Variants in KIF26B observed in about 807,000 individuals in gnomAD.
KIF26B encodes kinesin family member 26B, also known as kinesin-like protein KIF26B.
In KIF26B, 63 loss-of-function variants were observed where a neutral mutation model predicts 151.2. The observed-to-expected ratio is 0.42, with a 90% CI of 0.34 to 0.51. KIF26B has a LOEUF of 0.51. KIF26B is among the 20% of genes least tolerant of loss of function. The pLI is 0.07. For synonymous variants in KIF26B, 1,357 were observed against 1,262.1 expected, an observed-to-expected ratio of 1.08 and a Z score of -1.59; for missense variants, 2,813 against 2,913.6, an observed-to-expected ratio of 0.97 and a Z score of 0.79.
chr1:245,180,846 C>CT (rs1465746706), intron 2 of KIF26B, among the ~76,000 whole-genome samples: 1 of 151,840 alleles, frequency 6.6e-6, no homozygotes, highest in African/African-American at 2.4e-5. Flanking sequence ...TTGTTTTTTT[C>CT]TTTTTTAGAG....
chr1:245,244,649 C>T lies in KIF26B; in HGVS notation c.465+87966C>T, dbSNP rs111590969. On this transcript the variant is annotated intron_variant, in intron 2 of 14. Transcript: ENST00000407071. This position sits in a 1 kb window ranked among gnomAD's most constrained non-coding sequence, Gnocchi z 4.2. ...CTCCCCTGACTTCCAATGTGACACC[C>T]GTCTTCTCTGTCCTCTCTCTTCATA... 4.7e-3 allele frequency among the ~76,000 whole-genome samples: 717 copies of T among 151,992 alleles called. 3 individuals carry two copies. The highest frequency in any genetic ancestry group is 0.017 in the African/African-American group (690 of 41,454).
At chr1:245,294,737 A>C (rs1671309248) in intron 2 of KIF26B, among the ~76,000 whole-genome samples, 2 of 152,050 alleles carry the variant, frequency 1.3e-5, no homozygotes, top group Admixed American at 6.6e-5. Context: ...ATCTCGGCTC[A>C]CTGCAACCTC....
rs1159148302 is a variant in KIF26B, at chr1:245,358,662, A to G, written c.466-8172A>G. On this transcript the variant is annotated intron_variant, in intron 2 of 14. Transcript: ENST00000407071. The surrounding 1 kb of genome is among the most constrained non-coding windows in gnomAD (Gnocchi z 4.1). ...ATCCTTGATAGCCTTATACTAATACAACTACTTGCAGATTGAAAATAATTC... is the reference window on the plus strand; with the variant it reads ...ATCCTTGATAGCCTTATACTAATACGACTACTTGCAGATTGAAAATAATTC... Among the ~76,000 whole-genome samples, 2 of 152,260 alleles carry G rather than the reference A, an allele frequency of 1.3e-5. No individual in the cohort carries two copies. Among genetic ancestry groups the G allele is most frequent in the Non-Finnish European group, 2.9e-5 (2 of 68,042 alleles).
intron 10 of KIF26B, among the ~76,000 whole-genome samples, chr1:245,648,820 G>GA (rs2043981521): frequency 6.6e-6 from 1 of 152,190 alleles, no homozygotes; most frequent in Admixed American, 6.5e-5. Context: ...CTGGCACCAA[G>GA]AGAGTGATCA....
intron 4 of KIF26B, among the ~76,000 whole-genome samples, chr1:245,505,468 C>A (rs1465225641): frequency 6.6e-6 from 1 of 152,122 alleles, no homozygotes; most frequent in Non-Finnish European, 1.5e-5. Flanking sequence ...TCATTGCAAC[C>A]TCTACTTCCC....
intron 2 of KIF26B, among the ~76,000 whole-genome samples, chr1:245,169,081 T>G (rs1668660974): frequency 6.6e-6 from 1 of 152,034 alleles, no homozygotes; most frequent in Non-Finnish European, 1.5e-5. Context: ...TGGAGCAGAG[T>G]GGAGAACAGG....
intron 5 of KIF26B, among the ~76,000 whole-genome samples, chr1:245,548,955 G>A (rs1661815737): frequency 6.6e-6 from 1 of 152,144 alleles, no homozygotes; most frequent in African/African-American, 2.4e-5. Flanking sequence ...ATGTTGGCCA[G>A]GCTGGTCAAC....
chr1:245,579,852 G>GAA (rs113159653), intron 5 of KIF26B, among the ~76,000 whole-genome samples: 9 of 106,836 alleles, frequency 8.4e-5, no homozygotes, highest in Non-Finnish European at 1.7e-4. Flanking sequence ...TCATCTCAAA[G>GAA]AAAAAAAAAA....
rs182622129 is a variant in KIF26B at position 245,328,688 on chromosome 1, C to T, written c.466-38146C>T. 1.8e-3 allele frequency among the ~76,000 whole-genome samples: 267 copies of T among 152,282 alleles called. 1 individual carries two copies. Among genetic ancestry groups the T allele is most frequent in the African/African-American group, 6.0e-3 (250 of 41,582 alleles). ...ACTAGCACCCATGAGCAGGAAAGGG[C>T]ACGACACTCATTTTGGCACTGTGAC... On this transcript the variant is annotated intron_variant, in intron 2 of 14. Coordinates refer to ENST00000407071, the MANE Select transcript of KIF26B (RefSeq NM_018012.4).
intron 2 of KIF26B, among the ~76,000 whole-genome samples, chr1:245,310,634 G>A (rs1025323945): frequency 1.1e-4 from 17 of 152,224 alleles, no homozygotes; most frequent in African/African-American, 4.1e-4. Flanking sequence ...TCATTCAGAT[G>A]TTGCCTTCTT....
chr1:245,372,709 A>G (rs141006739), intron 3 of KIF26B, among the ~76,000 whole-genome samples: 1 of 152,312 alleles, frequency 6.6e-6, no homozygotes, highest in Non-Finnish European at 1.5e-5. Context: ...CATTTATTAT[A>G]GTCAATAACT....
At chr1:245,610,168 C>T (rs2103152767) in intron 8 of KIF26B, among the ~76,000 whole-genome samples, 1 of 152,284 alleles carries the variant, frequency 6.6e-6, no homozygotes, top group Non-Finnish European at 1.5e-5. Context: ...GCTTTATTTT[C>T]CCGTGTTGTC....
intron 2 of KIF26B, among the ~76,000 whole-genome samples, chr1:245,178,325 T>TA (rs748783711): frequency 3.3e-5 from 5 of 152,190 alleles, no homozygotes; most frequent in Non-Finnish European, 7.3e-5. Flanking sequence ...TATTTTAAAA[T>TA]AAGAGGAGCG....
chr1:245,282,619 C>G (rs1671077978), intron 2 of KIF26B, among the ~76,000 whole-genome samples: 1 of 152,110 alleles, frequency 6.6e-6, no homozygotes, highest in Admixed American at 6.5e-5. Flanking sequence ...CAATGACATG[C>G]CCAATCAAAC....
At chr1:245,180,030 A>G (rs1447624080) in intron 2 of KIF26B, among the ~76,000 whole-genome samples, 1 of 152,214 alleles carries the variant, frequency 6.6e-6, no homozygotes, top group Non-Finnish European at 1.5e-5. Flanking sequence ...TAAGAGGACC[A>G]TGTCTGTGTG....
intron 2 of KIF26B, among the ~76,000 whole-genome samples, chr1:245,265,860 A>C (rs1670735934): frequency 6.6e-6 from 1 of 152,124 alleles, no homozygotes; most frequent in African/African-American, 2.4e-5. Context: ...TGCCTGCCTT[A>C]GTCTCCCAAA....
intron 4 of KIF26B, among the ~76,000 whole-genome samples, chr1:245,425,950 C>T (rs1291907334): frequency 6.6e-6 from 1 of 152,132 alleles, no homozygotes; most frequent in Non-Finnish European, 1.5e-5. Context: ...AGTTGACAGC[C>T]TTTCTACCAA....
intron 2 of KIF26B, among the ~76,000 whole-genome samples, chr1:245,343,644 G>A (rs989649989): frequency 3.3e-5 from 5 of 152,142 alleles, no homozygotes; most frequent in Admixed American, 2.0e-4. Flanking sequence ...GACTTCATTC[G>A]TGCCAGCCGC....
rs939946179 is a variant in KIF26B, at chr1:245,239,542, C to T, written c.465+82859C>T. On this transcript the variant is annotated intron_variant, in intron 2 of 14. Transcript: ENST00000407071. This position sits in a 1 kb window ranked among gnomAD's most constrained non-coding sequence, Gnocchi z 4.3. ...TGTTTTAGACAGAGTCTCTCTCTGT[C>T]GCCCAGGCTGGAGTGCAGTGGCGTG... Among the ~76,000 whole-genome samples the T allele has an allele frequency of 4.6e-5, 7 of 152,124 alleles. No individual in the cohort carries two copies. The highest frequency in any genetic ancestry group is 7.2e-5 in the African/African-American group (3 of 41,424).
Sources: allele counts gnomAD v4.1 joint callset (sites outside exome capture counted in the v4.1 genomes callset), GRCh38; gene constraint gnomAD v4.1.1; non-coding constraint Gnocchi (gnomAD v3.1); transcripts MANE v1.5; gene names NCBI Gene and HGNC (gene_info 2026-07-23, HGNC 2026-07-21).